The following ECM1 variants were observed in gnomAD, a reference collection of about 807,000 sequenced individuals.
ECM1 encodes the protein secretory component p85.
In ECM1, 54 loss-of-function variants were observed where a neutral mutation model predicts 57.9. That is an observed-to-expected ratio of 0.93 (90% confidence interval 0.75 to 1.17). The LOEUF is 1.17. Ranked by LOEUF, ECM1 falls within the 50% of genes most tolerant of loss-of-function variation. ECM1 has a pLI of 0.00. For missense variants in ECM1, 649 were observed against 688.1 expected (o/e 0.94, Z 0.64); for synonymous variants, 237 against 259.1 (o/e 0.91, Z 0.82).
In ECM1 at chr1:150,509,538, G is replaced by A. The variant is rs200429908; in HGVS notation, c.78G>A (p.Thr26=). 231 of 1,614,064 alleles carry A rather than the reference G, an allele frequency of 1.4e-4. No individual in the cohort carries two copies. The highest frequency in any genetic ancestry group is 6.0e-4 in the East Asian group (27 of 44,874). The change falls in exon 2 of 10, where the codon ACG becomes ACA. Residue 26 remains threonine (T), a synonymous_variant. Coordinates refer to ENST00000369047, the MANE Select transcript of ECM1 (RefSeq NM_004425.4). The part of the protein sequence containing the change: ...VASAASEGGF[T]ATGQRQLRPE... ...TGCCCTTCTTCCCTCCAGGCTTCAC[G>A]GCTACAGGACAGAGGCAGCTGAGGC...
chr1:150,510,100 A>T lies in ECM1; in HGVS notation c.305-2A>T. On this transcript the variant is annotated splice_acceptor_variant, in intron 4 of 9. Transcript: ENST00000369047. LOFTEE classifies it high-confidence loss of function. ...CTTGGTGCCCTCACCCCTATCTTGCAGTGGGTCCCCCTCTCCCTCAGGAAG... is the reference window on the plus strand; with the variant it reads ...CTTGGTGCCCTCACCCCTATCTTGCTGTGGGTCCCCCTCTCCCTCAGGAAG... 1 of 1,614,022 alleles carries T rather than the reference A, an allele frequency of 6.2e-7. No homozygotes were observed. Among genetic ancestry groups the T allele is most frequent in the Non-Finnish European group, 8.5e-7 (1 of 1,179,900 alleles).
chr1:150,509,255 C>G, intron 1 of ECM1: 1 of 543,192 alleles, frequency 1.8e-6, no homozygotes, highest in Non-Finnish European at 3.3e-6. Flanking sequence ...GCCTCCCTCC[C>G]CAATCCCGTA....
chr1:150,512,724 G>A lies in ECM1; in HGVS notation c.1305-1G>A. On this transcript the variant is annotated splice_acceptor_variant, in intron 8 of 9. Coordinates refer to ENST00000369047, the MANE Select transcript of ECM1 (RefSeq NM_004425.4). LOFTEE classifies it high-confidence loss of function. ...CCCCTGCCCCTTTCACACCAACATA[G>A]TAAACATATTCCTGGGCTGATCCAC... 1 of 1,614,058 alleles carries A rather than the reference G, an allele frequency of 6.2e-7. No individual in the cohort carries two copies. The highest frequency in any genetic ancestry group is 1.1e-5 in the South Asian group (1 of 91,082).
chr1:150,511,897 C>T lies in ECM1; in HGVS notation c.1083+66C>T, dbSNP rs928077907. 4.8e-5 allele frequency: 74 copies of T among 1,536,670 alleles called. No individual in the cohort carries two copies. In the Middle Eastern group the frequency reaches 9.1e-4, roughly 19 times the overall value. On this transcript the variant is annotated intron_variant, in intron 7 of 9. Coordinates refer to ENST00000369047, the MANE Select transcript of ECM1 (RefSeq NM_004425.4). ...GCCTGCCCATCTTCGACCTCTGATC[C>T]TGCCAGTCCATCCATCCATGTACCC...
chr1:150,513,285 C>T lies in ECM1; in HGVS notation c.1441C>T (p.Arg481Ter), dbSNP rs370285146. The T allele has an allele frequency of 8.7e-6, 14 of 1,614,238 alleles. No individual in the cohort carries two copies. Among genetic ancestry groups the T allele is most frequent in the East Asian group, 4.5e-5 (2 of 44,888 alleles). The change falls in exon 10 of 10, where the codon CGA becomes TGA. Residue 481 changes from arginine to a stop codon, truncating the protein, a stop_gained. Transcript: ENST00000369047. LOFTEE classifies it high-confidence loss of function. ...GTGTGGTCCCCGACGTAACATCTGG[C>T]GAGACCCTGCCCTCTGCTGTTACCT... ...DLCGPRRNIW[R>*]DPALCCYLSP...
At chr1:150,512,916 G>GGGTACC in intron 9 of ECM1, 104 bp downstream of exon 9, 1 of 1,313,094 alleles carries the variant, frequency 7.6e-7, no homozygotes, top group East Asian at 2.3e-5. Context: ...CCAGCCTTTG[G>GGGTACC]TTATAATGAC....
Position 150,508,122 on chromosome 1 carries a change from A to C in ECM1, c.-88A>C, listed in dbSNP as rs980468831. 1 of 1,259,250 alleles carries C rather than the reference A, an allele frequency of 7.9e-7. No homozygotes were observed. The highest frequency in any genetic ancestry group is 1.5e-5 in the African/African-American group (1 of 68,052). 78.0% of individuals were successfully genotyped at this position (1,259,250 alleles called of 1,614,324 possible). A position where few individuals can be genotyped will look rare whatever the true frequency, so the allele number is the denominator to read the frequency against. On this transcript the variant is annotated 5_prime_UTR_variant, in exon 1 of 10. Transcript: ENST00000369047. ...CCTGAAGCTCACAACCGTAACAGCC[A>C]CCAGACAAGCTTCAGTGGCCGGCCC...
chr1:150,513,474 C>A lies in ECM1; in HGVS notation c.*7C>A, dbSNP rs984164615. ...TGAGCCCAAGGAAGAATGAGTCACC[C>A]CAGAGCCCTAGAGGGTCAGATGGGG... On this transcript the variant is annotated 3_prime_UTR_variant, in exon 10 of 10. Transcript: ENST00000369047. 1 of 1,611,484 alleles carries A rather than the reference C, an allele frequency of 6.2e-7. No individual in the cohort carries two copies. The highest frequency in any genetic ancestry group is 1.7e-5 in the Admixed American group (1 of 59,900).
Position 150,513,618 on chromosome 1 carries a change from C to T in ECM1, c.*151C>T. On this transcript the variant is annotated 3_prime_UTR_variant, in exon 10 of 10. Coordinates refer to ENST00000369047, the MANE Select transcript of ECM1 (RefSeq NM_004425.4). The stretch of plus-strand genomic sequence containing the variant: ...AGTGTTTTAAGTGGATCTTGGTGCC[C>T]TGGCCCAGGAGGGCACTGGCGTTTT... 1.3e-6 allele frequency: 1 copy of T among 778,504 alleles called. No homozygotes were observed. Among genetic ancestry groups the T allele is most frequent in the African/African-American group, 1.7e-5 (1 of 57,172 alleles). 48.2% of individuals were successfully genotyped at this position (778,504 alleles called of 1,614,324 possible).
In ECM1 at chr1:150,511,131, AG is replaced by A. The variant is rs751920324; in HGVS notation, c.642del (p.Ile215LeufsTer16). ...CAGGGTGAGACCCTCAATTTCCTGG[AG>A]ATTGGATATTCCCGCTGCTGCCACT... ...TRQGETLNFL[E>X]IGYSRCCHCR... On this transcript the variant is annotated frameshift_variant, in exon 6 of 10. Coordinates refer to ENST00000369047, the MANE Select transcript of ECM1 (RefSeq NM_004425.4). LOFTEE classifies it high-confidence loss of function. 1 of 1,614,200 alleles carries A rather than the reference AG, an allele frequency of 6.2e-7. No individual in the cohort carries two copies. Among genetic ancestry groups the A allele is most frequent in the Non-Finnish European group, 8.5e-7 (1 of 1,180,028 alleles).
rs765003612 is a variant in ECM1, at chr1:150,511,657, G to A, written c.909G>A (p.Val303=). ...TTGAGCTGCCTTTCCCTCCTGGGGT[G>A]CCCACATTGGACAATATCAAGAACA... ...SGLELPFPPG[V]PTLDNIKNIC... The change falls in exon 7 of 10, where the codon GTG becomes GTA. Residue 303 remains valine, a synonymous_variant. Transcript: ENST00000369047. 1.2e-6 allele frequency: 2 copies of A among 1,614,114 alleles called. No individual in the cohort carries two copies. Among genetic ancestry groups the A allele is most frequent in the South Asian group, 2.2e-5 (2 of 91,080 alleles).
chr1:150,510,709 C>T (rs1411722036), intron 5 of ECM1, 167 bp from the exon 6 acceptor site: 41 of 760,936 alleles, frequency 5.4e-5, no homozygotes, highest in Non-Finnish European at 8.9e-5. Context: ...CTTCTCTTTT[C>T]CTTTCAGTTA....
At chr1:150,510,242 G>C in intron 5 of ECM1, 60 bp downstream of exon 5, 1 of 1,507,506 alleles carries the variant, frequency 6.6e-7, no homozygotes. Flanking sequence ...CCAGAGCATG[G>C]GCTTCGGGGC....
At chr1:150,512,899 C>A in intron 9 of ECM1, 87 bp downstream of exon 9, 1 of 1,414,476 alleles carries the variant, frequency 7.1e-7, no homozygotes, top group South Asian at 1.2e-5. Context: ...CTCTTTAGTA[C>A]CTCAAACCAG....
At chr1:150,508,306 GGGGGTCTGGGCTTGCATGGCA>G (rs2102520950) in intron 1 of ECM1, 27 bp downstream of exon 1, 2 of 1,607,888 alleles carry the variant, frequency 1.2e-6, no homozygotes, top group Non-Finnish European at 1.7e-6. Context: ...GCACTTAGGA[GGGGGTCTGGGCTTGCATGGCA>G]GGGGTCTGGG....
Position 150,512,563 on chromosome 1 carries a change from T to C in ECM1, c.1295T>C (p.Leu432Pro). The change falls in exon 8 of 10, where the codon CTC (leucine) becomes CCC (proline). Residue 432 changes from leucine to proline, a missense_variant. Transcript: ENST00000369047. ...CACCTCTGTGGAAACCAAAGAGTTC[T>C]CACCAAGCAGTAAGTTGCCTAGTCC... Reference protein sequence around the residue: ...MGHLCGNQRVLTKHKHIPGLI... With the variant: ...MGHLCGNQRVPTKHKHIPGLI... The C allele has an allele frequency of 6.2e-7, 1 of 1,613,098 alleles. No homozygotes were observed. The highest frequency in any genetic ancestry group is 8.5e-7 in the Non-Finnish European group (1 of 1,179,994).
intron 9 of ECM1, 117 bp downstream of exon 9, chr1:150,512,929 G>A: frequency 8.6e-7 from 1 of 1,165,360 alleles, no homozygotes. Context: ...ATAATGACTA[G>A]TGGGGGAGGT....
In ECM1 at chr1:150,508,138, TGGCC is replaced by T; in HGVS notation, c.-67_-64del. ...GTAACAGCCACCAGACAAGCTTCAG[TGGCC>T]GGCCCTTCACATCCAGACTTGCCTG... On this transcript the variant is annotated 5_prime_UTR_variant, in exon 1 of 10. Transcript: ENST00000369047. 7.0e-7 allele frequency: 1 copy of T among 1,434,748 alleles called. No homozygotes were observed. The highest frequency in any genetic ancestry group is 9.8e-7 in the Non-Finnish European group (1 of 1,018,062). 88.9% of individuals were successfully genotyped at this position (1,434,748 alleles called of 1,614,324 possible).
intron 9 of ECM1, among the ~76,000 whole-genome samples, chr1:150,513,017 C>T (rs1225847219): frequency 6.6e-6 from 1 of 152,208 alleles, no homozygotes; most frequent in African/African-American, 2.4e-5. Flanking sequence ...TATGCCTTCT[C>T]CGGGCCACAA....
Sources: gnomAD v4.1 joint callset for allele counts (sites outside exome capture counted in the v4.1 genomes callset) on GRCh38, gnomAD v4.1.1 for gene constraint, MANE v1.5 for transcripts, NCBI Gene and HGNC (gene_info 2026-07-23, HGNC 2026-07-21) for gene names.